Variants in HDGF observed in about 807,000 individuals in gnomAD.
HDGF encodes hepatoma-derived growth factor.
HDGF carries 5 observed loss-of-function variants against 30.0 expected under a neutral mutation model. That is an observed-to-expected ratio of 0.17 (90% CI 0.09 to 0.35). The LOEUF (loss-of-function observed/expected upper bound fraction) is 0.35. HDGF is among the 10% of genes least tolerant of loss of function. The pLI, the probability that HDGF is intolerant of heterozygous loss-of-function variation, is 1.00. For synonymous variants in HDGF, 133 were observed against 112.7 expected (o/e 1.18, Z -1.14); for missense variants, 214 against 302.8 (o/e 0.71, Z 2.18).
intron 1 of HDGF, among the ~76,000 whole-genome samples, chr1:156,746,894 G>C (rs1300510680): frequency 6.6e-6 from 1 of 152,050 alleles, no homozygotes; most frequent in Non-Finnish European, 1.5e-5. Flanking sequence ...GGCCCAACTG[G>C]GGGCCTGGGG....
At chr1:156,766,723 C>A (rs1651390877) in intron 1 of HDGF, 1 of 152,352 alleles carries the variant, frequency 6.6e-6, no homozygotes, top group South Asian at 2.1e-4. Context: ...GTAGGACGGA[C>A]TCAAGTGATT....
At chr1:156,758,524 C>T (rs1172314868) in intron 2 of HDGF, among the ~76,000 whole-genome samples, 5 of 149,616 alleles carry the variant, frequency 3.3e-5, no homozygotes, top group Admixed American at 6.7e-5. Flanking sequence ...ACCCAGGAGG[C>T]GGAGCTTGCA....
chr1:156,745,965 G>A (rs1650511592), intron 1 of HDGF, among the ~76,000 whole-genome samples: 1 of 152,134 alleles, frequency 6.6e-6, no homozygotes, highest in South Asian at 2.1e-4. Flanking sequence ...CTTGGCATGT[G>A]GTACATCCTA....
In HDGF at chr1:156,743,402, A is replaced by G; in HGVS notation, c.*47T>C. ...ATGGCCAGTTTCCCCAGTAGCACCC[A>G]GACAGCAGCAGGAACAGGGTGGGGG... On this transcript the variant is annotated 3_prime_UTR_variant, in exon 6 of 6. Coordinates refer to ENST00000357325, the MANE Select transcript of HDGF (RefSeq NM_004494.3). The G allele has an allele frequency of 6.6e-7, 1 of 1,510,114 alleles. No homozygotes were observed. The highest frequency in any genetic ancestry group is 8.8e-7 in the Non-Finnish European group (1 of 1,132,540). The allele number at this position is 1,510,114 out of a possible 1,614,324, so 93.5% of individuals were successfully genotyped here.
At chr1:156,751,920 G>C (rs984181744), upstream of HDGF, 34 of 1,052,594 alleles carry the variant, frequency 3.2e-5, no homozygotes, top group Middle Eastern at 3.2e-4. This position sits in a 1 kb window ranked among gnomAD's most constrained non-coding sequence, Gnocchi z 4.7. Flanking sequence ...CGATCGCCGA[G>C]CACGCCGAGC....
In HDGF at chr1:156,743,321, G is replaced by C; in HGVS notation, c.*128C>G. 9.7e-7 allele frequency: 1 copy of C among 1,028,196 alleles called. No individual in the cohort carries two copies. The highest frequency in any genetic ancestry group is 1.6e-5 in the South Asian group (1 of 61,862). The allele number at this position is 1,028,196 out of a possible 1,614,324, so 63.7% of individuals were successfully genotyped here. A position where few individuals can be genotyped will look rare whatever the true frequency, so the allele number is the denominator to read the frequency against. On this transcript the variant is annotated 3_prime_UTR_variant, in exon 6 of 6. Transcript: ENST00000357325. ...ATGGGCTGGGCTTGGAGTGGGAAAA[G>C]TGAGTAGAAGAGGAGAGCAGGTTGG...
intron 1 of HDGF, among the ~76,000 whole-genome samples, chr1:156,766,405 G>A (rs1651378015): frequency 6.6e-6 from 1 of 152,146 alleles, no homozygotes; most frequent in African/African-American, 2.4e-5. Context: ...AGCATGTAAA[G>A]GACACACACA....
intron 1 of HDGF, among the ~76,000 whole-genome samples, chr1:156,759,535 G>T (rs1205357059): frequency 6.9e-6 from 1 of 144,454 alleles, no homozygotes; most frequent in East Asian, 2.0e-4. Flanking sequence ...AGGCTGGAGT[G>T]CAGTGGCGCG....
At chr1:156,745,236 C>A in intron 2 of HDGF, 61 bp downstream of exon 2, 3 of 1,609,998 alleles carry the variant, frequency 1.9e-6, no homozygotes, top group African/African-American at 1.3e-5. Context: ...CACCACCTCA[C>A]CTTCCCCAGA....
Position 156,751,589 on chromosome 1 carries a change from G to A in HDGF, c.-160C>T. 1 of 984,226 alleles carries A rather than the reference G, an allele frequency of 1.0e-6. No homozygotes were observed. Among genetic ancestry groups the A allele is most frequent in the Non-Finnish European group, 1.2e-6 (1 of 830,170 alleles). 61.0% of individuals were successfully genotyped at this position (984,226 alleles called of 1,614,324 possible). A position where few individuals can be genotyped will look rare whatever the true frequency, so the allele number is the denominator to read the frequency against. The stretch of plus-strand genomic sequence containing the variant: ...GCTCCGGCGCGGCCACGGCGTCTCC[G>A]CCCGCGCGCCGCACGGACGGGGCGG... On this transcript the variant is annotated 5_prime_UTR_variant, in exon 1 of 6. Transcript: ENST00000357325. The surrounding 1 kb of genome is among the most constrained non-coding windows in gnomAD (Gnocchi z 4.7).
At chr1:156,749,059 C>T (rs575560975) in intron 1 of HDGF, among the ~76,000 whole-genome samples, 19 of 152,264 alleles carry the variant, frequency 1.2e-4, no homozygotes, top group African/African-American at 2.9e-4. Context: ...GTTAGGCAGG[C>T]GGAAGAGGGA....
upstream of HDGF, chr1:156,752,578 A>G: frequency 1.7e-6 from 1 of 577,320 alleles, no homozygotes; most frequent in South Asian, 2.2e-5. Context: ...TGATGACTGA[A>G]CTGGGCATTA....
intron 1 of HDGF, among the ~76,000 whole-genome samples, chr1:156,764,051 C>A (rs1246975665): frequency 6.7e-6 from 1 of 150,038 alleles, no homozygotes; most frequent in Non-Finnish European, 1.5e-5. Flanking sequence ...AGGTGTGTGC[C>A]ACCATGCCCA....
chr1:156,746,726 G>T (rs1451453385), intron 1 of HDGF, among the ~76,000 whole-genome samples: 1 of 152,154 alleles, frequency 6.6e-6, no homozygotes, highest in Non-Finnish European at 1.5e-5. Flanking sequence ...AGGTGGGGCG[G>T]GTGGGGACTA....
At chr1:156,759,395 A>G (rs781169883) in intron 1 of HDGF, among the ~76,000 whole-genome samples, 2 of 151,684 alleles carry the variant, frequency 1.3e-5, no homozygotes, top group Non-Finnish European at 1.5e-5. Context: ...ATTGTGACAC[A>G]CCGTATACAC....
At chr1:156,747,830 A>C (rs949886367) in intron 1 of HDGF, among the ~76,000 whole-genome samples, 1 of 152,180 alleles carries the variant, frequency 6.6e-6, no homozygotes, top group Non-Finnish European at 1.5e-5. Flanking sequence ...TCTTTGCAGA[A>C]GCACAGACTG....
At position 156,744,385 on chromosome 1, in the gene HDGF, C is replaced by A. The variant is rs551850900; in HGVS notation, c.304-37G>T. 39 of 1,609,654 alleles carry A rather than the reference C, an allele frequency of 2.4e-5. 2 individuals carry two copies. In the South Asian group the frequency reaches 3.7e-4, roughly 15 times the overall value. On this transcript the variant is annotated intron_variant, in intron 3 of 5. Transcript: ENST00000357325. ...ACAGCACAGGCTGAGTGGCACCAGT[C>A]GCTGCCATGCTGGGCCCCCTCCCCA...
At chr1:156,748,864 C>T (rs1169452090) in intron 1 of HDGF, among the ~76,000 whole-genome samples, 2 of 152,104 alleles carry the variant, frequency 1.3e-5, no homozygotes, top group African/African-American at 4.8e-5. Context: ...GTGTGGCAAG[C>T]CCAAGAGGCA....
At chr1:156,766,031 C>A (rs1398249992) in intron 1 of HDGF, among the ~76,000 whole-genome samples, 2 of 152,210 alleles carry the variant, frequency 1.3e-5, no homozygotes, top group East Asian at 1.9e-4. Context: ...GAATAGGAAT[C>A]TCTTAGGCTA....
Sources: gnomAD v4.1 joint callset for allele counts (sites outside exome capture counted in the v4.1 genomes callset) on GRCh38, gnomAD v4.1.1 for gene constraint, Gnocchi (gnomAD v3.1) non-coding constraint, MANE v1.5 for transcripts, NCBI Gene and HGNC (gene_info 2026-07-23, HGNC 2026-07-21) for gene names.